Variants in COX17 observed in about 807,000 individuals in gnomAD.
COX17 encodes the protein cytochrome c oxidase copper chaperone COX17, also known as cytochrome c oxidase copper chaperone.
COX17 carries 1 observed loss-of-function variant against 6.3 expected under a neutral mutation model. The observed-to-expected ratio is 0.16, with a 90% CI of 0.06 to 0.75. The LOEUF is 0.75. COX17 is among the 30% of genes least tolerant of loss of function. The pLI is 0.77. For synonymous variants in COX17, 26 were observed against 30.5 expected (o/e 0.85, Z 0.49); for missense variants, 73 against 81.2 (o/e 0.90, Z 0.39).
chr3:119,675,043 A>C (rs1473333304), intron 2 of COX17, 102 bp downstream of exon 2: 1 of 791,716 alleles, frequency 1.3e-6, no homozygotes, highest in Non-Finnish European at 2.1e-6. Flanking sequence ...ATTGATACTT[A>C]AGCATTTTAG....
At chr3:119,674,927 C>G (rs1158590100) in intron 2 of COX17, 2 of 501,754 alleles carry the variant, frequency 4.0e-6, no homozygotes, top group Non-Finnish European at 7.1e-6. Context: ...TTGTCAAACC[C>G]TTTCTTAAAA....
downstream of COX17, among the ~76,000 whole-genome samples, chr3:119,665,719 G>A (rs977783243): frequency 4.6e-5 from 7 of 152,178 alleles, no homozygotes; most frequent in African/African-American, 1.7e-4. Flanking sequence ...TCTCAAACCA[G>A]GAGCTTTTAA....
downstream of COX17, among the ~76,000 whole-genome samples, chr3:119,665,016 C>T (rs1443012322): frequency 6.6e-6 from 1 of 152,154 alleles, no homozygotes; most frequent in Non-Finnish European, 1.5e-5. Context: ...TAGCCATTTC[C>T]CCTTTTTCTT....
intron 2 of COX17, among the ~76,000 whole-genome samples, chr3:119,671,568 G>C (rs2053044506): frequency 6.6e-6 from 1 of 152,158 alleles, no homozygotes; most frequent in African/African-American, 2.4e-5. Context: ...GCAGACAGTT[G>C]TGTTGGATTT....
At chr3:119,667,688 T>TACACAC (rs58875404), downstream of COX17, among the ~76,000 whole-genome samples, 75 of 136,872 alleles carry the variant, frequency 5.5e-4, no homozygotes, top group African/African-American at 1.9e-3. Context: ...GTAAAAGGTG[T>TACACAC]ACACACACAC....
At chr3:119,672,817 AAGCTAAATGT>A (rs1056493644) in intron 2 of COX17, among the ~76,000 whole-genome samples, 1 of 152,242 alleles carries the variant, frequency 6.6e-6, no homozygotes, top group Non-Finnish European at 1.5e-5. Flanking sequence ...TGTCTTGATG[AAGCTAAATGT>A]AGCTAAACTT....
intron 1 of COX17, chr3:119,676,623 T>C: frequency 2.0e-6 from 1 of 489,344 alleles, no homozygotes; most frequent in Non-Finnish European, 3.7e-6. Context: ...TTCAGAACTG[T>C]AAGGAATACA....
intron 1 of COX17, among the ~76,000 whole-genome samples, chr3:119,675,978 T>C (rs1309620082): frequency 1.3e-5 from 2 of 152,210 alleles, no homozygotes; most frequent in Admixed American, 1.3e-4. Flanking sequence ...TGCCTGCAAA[T>C]GGGAGATTGC....
intron 1 of COX17, 26 bp downstream of exon 1, chr3:119,677,178 C>CGCGCCCTCTCCGGCT (rs1559736329): frequency 6.3e-7 from 1 of 1,585,480 alleles, no homozygotes; most frequent in Non-Finnish European, 8.6e-7. Flanking sequence ...GCTCGTCGGC[C>CGCGCCCTCTCCGGCT]GCGCCCTCTC....
downstream of COX17, among the ~76,000 whole-genome samples, chr3:119,668,779 T>A (rs192765824): frequency 6.6e-6 from 1 of 152,016 alleles, no homozygotes; most frequent in African/African-American, 2.4e-5. Context: ...GTTCTCAGTA[T>A]CTTTTGTTCT....
At chr3:119,668,039 G>A (rs1019059887), downstream of COX17, among the ~76,000 whole-genome samples, 2 of 152,038 alleles carry the variant, frequency 1.3e-5, no homozygotes, top group Non-Finnish European at 2.9e-5. Flanking sequence ...TTTATACATA[G>A]TCAATACAAA....
intron 2 of COX17, among the ~76,000 whole-genome samples, chr3:119,674,024 C>T (rs1337022065): frequency 6.6e-6 from 1 of 151,166 alleles, no homozygotes; most frequent in Non-Finnish European, 1.5e-5. Context: ...GCTGCTGCCC[C>T]GTCTGGGAAG....
Position 119,669,921 on chromosome 3 carries a change from G to GTA in COX17, c.*5-258_*5-257dup, listed in dbSNP as rs199689470. Among the ~76,000 whole-genome samples the GTA allele has an allele frequency of 1.4e-4, 21 of 151,828 alleles. No homozygotes were observed. The South Asian group carries it at 1.5e-3, about 11-fold the overall frequency. On this transcript the variant is annotated intron_variant, in intron 2 of 2. Coordinates refer to ENST00000261070, the MANE Select transcript of COX17 (RefSeq NM_005694.2). ...TTTGAAGTAAAAACTCTCTCTGCGT[G>GTA]TATATATATATAATACATATGTGTG...
chr3:119,664,083 A>C (rs1217707313), intron 3 of COX17, among the ~76,000 whole-genome samples: 1 of 152,248 alleles, frequency 6.6e-6, no homozygotes, highest in Non-Finnish European at 1.5e-5. Context: ...TCACTTCAAG[A>C]AACTTTCAGT....
intron 1 of COX17, among the ~76,000 whole-genome samples, chr3:119,676,178 T>A (rs75920846): frequency 6.6e-6 from 1 of 152,224 alleles, no homozygotes; most frequent in East Asian, 1.9e-4. Context: ...TGGATTAAGA[T>A]TCAAACCTTG....
At chr3:119,677,140 C>A (rs933648951) in intron 1 of COX17, 64 bp downstream of exon 1, 1 of 1,289,948 alleles carries the variant, frequency 7.8e-7, no homozygotes, top group East Asian at 2.4e-5. Flanking sequence ...AGGGCAGAGG[C>A]ACCGGAAGGC....
downstream of COX17, among the ~76,000 whole-genome samples, chr3:119,668,381 G>A (rs143159004): frequency 0.021 from 3,247 of 152,134 alleles, 45 homozygotes; most frequent in Middle Eastern, 0.071. Flanking sequence ...GATTATCTCT[G>A]TAAATCATGA....
chr3:119,667,126 A>T (rs114822980), downstream of COX17: 1 of 152,226 alleles, frequency 6.6e-6, no homozygotes, highest in Non-Finnish European at 1.5e-5. Context: ...AAGGTTAGAC[A>T]AACGGGGGAC....
At chr3:119,677,034 G>GT in intron 1 of COX17, 170 bp downstream of exon 1, 1 of 521,216 alleles carries the variant, frequency 1.9e-6, no homozygotes, top group South Asian at 1.9e-5. Flanking sequence ...GGGGGGGGGG[G>GT]GCAGACAGGG....
Sources: allele counts gnomAD v4.1 joint callset (sites outside exome capture counted in the v4.1 genomes callset), GRCh38; gene constraint gnomAD v4.1.1; transcripts MANE v1.5; gene names NCBI Gene and HGNC (gene_info 2026-07-23, HGNC 2026-07-21).